The following PHF21A variants were observed in gnomAD, a reference collection of about 807,000 sequenced individuals.
The protein encoded by PHF21A is BHC80a.
Under a neutral mutation model 82.5 loss-of-function variants are expected in PHF21A, and 11 were observed. The observed-to-expected ratio is 0.13, with a 90% CI of 0.08 to 0.22. PHF21A has a LOEUF of 0.22. Ranked by LOEUF, PHF21A falls within the 10% of genes least tolerant of loss-of-function variation. The pLI is 1.00. For missense variants in PHF21A, 579 were observed against 837.8 expected (o/e 0.69, Z 3.81); for synonymous variants, 297 against 302.8 (o/e 0.98, Z 0.20).
At position 46,016,349 on chromosome 11, in the gene PHF21A, C is replaced by A. The variant is rs191132016; in HGVS notation, c.154-36383G>T. On this transcript the variant is annotated intron_variant, in intron 6 of 18. Transcript: ENST00000676320. The stretch of plus-strand genomic sequence containing the variant: ...ACTCTTAGGTAAGGCATTTAAGGCC[C>A]TTAACAACTATACTTCGCCTCCCAT... Among the ~76,000 whole-genome samples, 8 of 152,306 alleles carry A rather than the reference C, an allele frequency of 5.3e-5. 1 individual carries two copies. The highest frequency in any genetic ancestry group is 5.2e-4 in the Admixed American group (8 of 15,304).
chr11:45,962,003 CG>C (rs1565275471), intron 10 of PHF21A, among the ~76,000 whole-genome samples: 4 of 152,200 alleles, frequency 2.6e-5, no homozygotes, highest in African/African-American at 9.7e-5. Context: ...GGGAAGGACA[CG>C]TGAGACCACT....
At chr11:46,024,077 T>C (rs897220516) in intron 6 of PHF21A, among the ~76,000 whole-genome samples, 1 of 152,212 alleles carries the variant, frequency 6.6e-6, no homozygotes, top group Non-Finnish European at 1.5e-5. Context: ...TGCAATTGGT[T>C]ATGAAAGCAA....
At chr11:45,994,151 T>A (rs906894902) in intron 6 of PHF21A, among the ~76,000 whole-genome samples, 2 of 152,170 alleles carry the variant, frequency 1.3e-5, no homozygotes, top group African/African-American at 4.8e-5. Context: ...AGCCAAAAAC[T>A]TCAATTCTGG....
In PHF21A at chr11:46,025,188, T is replaced by TAA. The variant is rs376136660; in HGVS notation, c.154-45224_154-45223dup. ...TTCTCTGGGGCATATGTATACAGAT[T>TAA]AAAAAAAAAAAACAACTTTTCTCCA... On this transcript the variant is annotated intron_variant, in intron 6 of 18. Transcript: ENST00000676320. Among the ~76,000 whole-genome samples, 573 of 144,870 alleles carry TAA rather than the reference T, an allele frequency of 4.0e-3. 5 individuals carry two copies. Among genetic ancestry groups the TAA allele is most frequent in the African/African-American group, 0.014 (543 of 39,978 alleles).
intron 6 of PHF21A, among the ~76,000 whole-genome samples, chr11:46,021,186 A>G (rs1215876543): frequency 6.6e-6 from 1 of 151,736 alleles, no homozygotes; most frequent in Non-Finnish European, 1.5e-5. Context: ...CAGCTTCCAG[A>G]GCAGCTGGAA....
chr11:45,941,260 G>A (rs925012019), intron 15 of PHF21A, among the ~76,000 whole-genome samples: 2 of 151,990 alleles, frequency 1.3e-5, no homozygotes, highest in South Asian at 2.1e-4. Flanking sequence ...CACCATGCCC[G>A]GCTAATTTTT....
At position 46,121,307 on chromosome 11, in the gene PHF21A, GC is replaced by G; in HGVS notation, c.-610del. 1 of 152,310 alleles carries G rather than the reference GC, an allele frequency of 6.6e-6. No homozygotes were observed. Among genetic ancestry groups the G allele is most frequent in the Non-Finnish European group, 1.5e-5 (1 of 68,528 alleles). The allele number at this position is 152,310 out of a possible 1,614,324, so 9.4% of individuals were successfully genotyped here. On this transcript the variant is annotated 5_prime_UTR_variant, in exon 1 of 19. Coordinates refer to ENST00000676320, the MANE Select transcript of PHF21A (RefSeq NM_001352027.3). ...CCTCCTCCAGGAGGGACACACACAG[GC>G]CCCGGGCCGGAATCGGGAGGGGGGA... is the stretch of plus-strand genomic sequence containing the variant.
In PHF21A at chr11:45,934,106, G is replaced by A; in HGVS notation, c.1908C>T (p.Asp636=). 6.2e-7 allele frequency: 1 copy of A among 1,614,180 alleles called. No homozygotes were observed. Among genetic ancestry groups the A allele is most frequent in the Non-Finnish European group, 8.5e-7 (1 of 1,180,024 alleles). ...IHGIDLSKPV[D]SEATVGAISN... is the part of the protein sequence containing the mutation. ...AGATGGCCCCCACAGTGGCCTCAGAGTCTACAGGTTTGGAGAGGTCGATGC... is the reference window on the plus strand; with the variant it reads ...AGATGGCCCCCACAGTGGCCTCAGAATCTACAGGTTTGGAGAGGTCGATGC... The change falls in exon 19 of 19, where the codon GAC becomes GAT. Residue 636 remains aspartate, a synonymous_variant. Transcript: ENST00000676320.
At chr11:46,028,355 T>C (rs2095794551) in intron 6 of PHF21A, among the ~76,000 whole-genome samples, 1 of 152,056 alleles carries the variant, frequency 6.6e-6, no homozygotes, top group South Asian at 2.1e-4. Context: ...AATAGTTGAG[T>C]GTTAAGCTTA....
At chr11:45,993,537 C>T (rs1486998526) in intron 6 of PHF21A, among the ~76,000 whole-genome samples, 1 of 151,816 alleles carries the variant, frequency 6.6e-6, no homozygotes, top group Non-Finnish European at 1.5e-5. Flanking sequence ...AAGCTCTGTT[C>T]ACTAACAAAA....
chr11:46,117,523 T>C (rs919756125), intron 1 of PHF21A, among the ~76,000 whole-genome samples: 6 of 152,340 alleles, frequency 3.9e-5, no homozygotes, highest in South Asian at 2.1e-4. Context: ...TGCCTAAAAA[T>C]TGATCTATAT....
At chr11:46,082,258 A>T (rs544548707) in intron 4 of PHF21A, among the ~76,000 whole-genome samples, 2 of 152,292 alleles carry the variant, frequency 1.3e-5, no homozygotes, top group Non-Finnish European at 2.9e-5. Flanking sequence ...TTTCAGCCCT[A>T]ATCTCATTCC....
intron 6 of PHF21A, among the ~76,000 whole-genome samples, chr11:46,074,081 C>T (rs1469671618): frequency 7.3e-5 from 11 of 150,308 alleles, no homozygotes; most frequent in African/African-American, 2.0e-4. Flanking sequence ...TAGTGTCTAC[C>T]GCAAGAAATA....
At chr11:46,061,317 T>C (rs187506938) in intron 6 of PHF21A, among the ~76,000 whole-genome samples, 25 of 152,322 alleles carry the variant, frequency 1.6e-4, no homozygotes, top group Non-Finnish European at 2.6e-4. Flanking sequence ...CATATGAATC[T>C]TAAAATAGTT....
At chr11:46,032,337 A>G (rs1306454321) in intron 6 of PHF21A, among the ~76,000 whole-genome samples, 4 of 152,210 alleles carry the variant, frequency 2.6e-5, no homozygotes, top group African/African-American at 4.8e-5. Context: ...CTGATTTTAT[A>G]TAACAATCTG....
chr11:46,108,567 G>GTGTGTA (rs1555199216), intron 1 of PHF21A, among the ~76,000 whole-genome samples: 4 of 62,200 alleles, frequency 6.4e-5, no homozygotes, highest in African/African-American at 1.3e-4. Context: ...GTGTGTGTGT[G>GTGTGTA]TATATATATA....
intron 6 of PHF21A, among the ~76,000 whole-genome samples, chr11:45,990,952 C>G (rs1355229117): frequency 1.3e-5 from 2 of 152,158 alleles, no homozygotes; most frequent in African/African-American, 2.4e-5. Flanking sequence ...TGGATTTAGA[C>G]AAACATATAA....
intron 1 of PHF21A, among the ~76,000 whole-genome samples, chr11:46,106,410 T>C (rs931638910): frequency 2.0e-5 from 3 of 152,206 alleles, no homozygotes; most frequent in Admixed American, 6.5e-5. Flanking sequence ...GCACAAAGAT[T>C]TTTGTAGGCT....
intron 6 of PHF21A, among the ~76,000 whole-genome samples, chr11:46,012,740 CCCA>C (rs2095436235): frequency 6.6e-6 from 1 of 152,150 alleles, no homozygotes; most frequent in Non-Finnish European, 1.5e-5. Context: ...ATCTTAATAT[CCCA>C]CCAACAACTC....
Sources: gnomAD v4.1 joint callset for allele counts (sites outside exome capture counted in the v4.1 genomes callset) on GRCh38, gnomAD v4.1.1 for gene constraint, MANE v1.5 for transcripts, NCBI Gene and HGNC (gene_info 2026-07-23, HGNC 2026-07-21) for gene names.